MEI4: variants seen among roughly 807,000 people sequenced by gnomAD.
MEI4 encodes meiotic double-stranded break formation protein 4.
Under a neutral mutation model 31.4 loss-of-function variants are expected in MEI4, and 27 were observed. The observed-to-expected ratio is 0.86, with a 90% CI of 0.63 to 1.19. The LOEUF is 1.19. MEI4 is among the 50% of genes most tolerant of loss of function. The pLI is 0.00. For synonymous variants in MEI4, 122 were observed against 145.4 expected (o/e 0.84, Z 1.16); for missense variants, 329 against 398.9 (o/e 0.82, Z 1.49).
chr6:77,862,075 A>G (rs1229041859), intron 4 of MEI4, among the ~76,000 whole-genome samples: 1 of 152,054 alleles, frequency 6.6e-6, no homozygotes, highest in Non-Finnish European at 1.5e-5. Flanking sequence ...AAAAAAAAAA[A>G]AAAATGGAGG....
rs1428922689 is a variant in MEI4, at chr6:77,847,263, G to A, written c.900+18201G>A. Among the ~76,000 whole-genome samples, 1 of 152,124 alleles carries A rather than the reference G, an allele frequency of 6.6e-6. No homozygotes were observed. The highest frequency in any genetic ancestry group is 2.4e-5 in the African/African-American group (1 of 41,426). ...GTACGGTCACTGTCAAAATAATTCTGTGTCTTAGATTATAATTAATTCAAG... is the reference window on the plus strand; with the variant it reads ...GTACGGTCACTGTCAAAATAATTCTATGTCTTAGATTATAATTAATTCAAG... On this transcript the variant is annotated intron_variant, in intron 4 of 4. Transcript: ENST00000684080. This position sits in a 1 kb window ranked among gnomAD's most constrained non-coding sequence, Gnocchi z 4.6.
At chr6:77,895,023 CA>C (rs1158120131) in intron 4 of MEI4, among the ~76,000 whole-genome samples, 1 of 152,078 alleles carries the variant, frequency 6.6e-6, no homozygotes, top group Non-Finnish European at 1.5e-5. Flanking sequence ...CAATATATAC[CA>C]TATGTTTCAC....
chr6:77,686,875 C>CTTTTTTTT lies in MEI4; in HGVS notation c.-14-3781_-14-3774dup, dbSNP rs70974681. Among the ~76,000 whole-genome samples, 120 of 132,532 alleles carry CTTTTTTTT rather than the reference C, an allele frequency of 9.1e-4. 1 individual carries two copies. Among genetic ancestry groups the CTTTTTTTT allele is most frequent in the Non-Finnish European group, 1.4e-3 (87 of 60,770 alleles). 86.9% of individuals were successfully genotyped at this position (132,532 alleles called of 152,430 possible). A position where few individuals can be genotyped will look rare whatever the true frequency, so the allele number is the denominator to read the frequency against. On this transcript the variant is annotated intron_variant, in intron 1 of 4. Coordinates refer to ENST00000684080, the MANE Select transcript of MEI4 (RefSeq NM_001322247.2). ...TCTTGAATAGGAATGGTCTGTGGCT[C>CTTTTTTTT]TTTTTTTTTGTAGATGTTTCATCAG... is the stretch of plus-strand genomic sequence containing the variant.
intron 3 of MEI4, 28 bp from the exon 4 acceptor site, chr6:77,828,903 A>G: frequency 8.1e-7 from 1 of 1,231,250 alleles, no homozygotes. Flanking sequence ...GTGATGGAAT[A>G]TAGAAACCTA....
At chr6:77,837,639 A>G (rs1582199657) in intron 4 of MEI4, among the ~76,000 whole-genome samples, 1 of 152,158 alleles carries the variant, frequency 6.6e-6, no homozygotes. Context: ...ACATATAACA[A>G]TCTCCAAAGC....
intron 1 of MEI4, among the ~76,000 whole-genome samples, chr6:77,679,393 A>C (rs1768908964): frequency 6.6e-6 from 1 of 150,430 alleles, no homozygotes; most frequent in Non-Finnish European, 1.5e-5. Flanking sequence ...AGATACACAA[A>C]TATTTATGAT....
upstream of MEI4, among the ~76,000 whole-genome samples, chr6:77,651,562 T>C (rs148220272): frequency 1.3e-3 from 193 of 152,348 alleles, 1 homozygote; most frequent in African/African-American, 4.0e-3. Context: ...GTTTGTATTT[T>C]TGTTGTCTAT....
In MEI4 at chr6:77,731,710, A is replaced by G. The variant is rs1010865518; in HGVS notation, c.233-29420A>G. ...AGACATGAAGTCCTTGCCCATGCCTATGTCCTGAATAGTAATGCTTAGGTT... is the reference window on the plus strand; with the variant it reads ...AGACATGAAGTCCTTGCCCATGCCTGTGTCCTGAATAGTAATGCTTAGGTT... On this transcript the variant is annotated intron_variant, in intron 2 of 4. Coordinates refer to ENST00000684080, the MANE Select transcript of MEI4 (RefSeq NM_001322247.2). Among the ~76,000 whole-genome samples, 66 of 151,372 alleles carry G rather than the reference A, an allele frequency of 4.4e-4. 1 individual carries two copies. The highest frequency in any genetic ancestry group is 5.9e-4 in the East Asian group (3 of 5,072).
intron 3 of MEI4, among the ~76,000 whole-genome samples, chr6:77,828,482 T>C (rs1388894122): frequency 6.6e-6 from 1 of 152,058 alleles, no homozygotes; most frequent in Non-Finnish European, 1.5e-5. Context: ...TGGAACAGTT[T>C]CATCTCAAAA....
chr6:77,662,005 C>T (rs1183692259), intron 1 of MEI4, among the ~76,000 whole-genome samples: 1 of 152,104 alleles, frequency 6.6e-6, no homozygotes, highest in Non-Finnish European at 1.5e-5. Flanking sequence ...CGGCCTTGAG[C>T]AGAGTTTTTA....
intron 2 of MEI4, among the ~76,000 whole-genome samples, chr6:77,730,111 T>A (rs1766935142): frequency 6.6e-6 from 1 of 152,052 alleles, no homozygotes; most frequent in South Asian, 2.1e-4. Flanking sequence ...AGAGAAGATC[T>A]GTGAGATCTC....
intron 1 of MEI4, among the ~76,000 whole-genome samples, chr6:77,687,407 G>C (rs1769077881): frequency 6.6e-6 from 1 of 151,982 alleles, no homozygotes; most frequent in African/African-American, 2.4e-5. Flanking sequence ...TAGGAAGCTG[G>C]GGTGTTTTCC....
At chr6:77,680,058 A>T (rs898800648) in intron 1 of MEI4, among the ~76,000 whole-genome samples, 4 of 147,476 alleles carry the variant, frequency 2.7e-5, no homozygotes, top group East Asian at 2.0e-4. Context: ...GTATTTTTTT[A>T]AAAATGGTCT....
chr6:77,685,212 C>T (rs1769032135), intron 1 of MEI4, among the ~76,000 whole-genome samples: 1 of 151,772 alleles, frequency 6.6e-6, no homozygotes, highest in South Asian at 2.1e-4. Flanking sequence ...ATATTTTTTC[C>T]TATAGGGTTC....
chr6:77,762,366 C>T (rs1483051), intron 3 of MEI4, among the ~76,000 whole-genome samples: 29,963 of 152,022 alleles, frequency 0.2, 3,210 homozygotes, highest in African/African-American at 0.27. Context: ...TGTTGTTTGG[C>T]TCTTGAGACA....
At chr6:77,802,046 A>G (rs1030976564) in intron 3 of MEI4, among the ~76,000 whole-genome samples, 1 of 152,096 alleles carries the variant, frequency 6.6e-6, no homozygotes, top group Admixed American at 6.6e-5. Context: ...TGTCTCGTTG[A>G]TCTGTCTAAT....
At chr6:77,734,500 C>T (rs1031422369) in intron 2 of MEI4, among the ~76,000 whole-genome samples, 2 of 151,964 alleles carry the variant, frequency 1.3e-5, no homozygotes, top group African/African-American at 2.4e-5. Context: ...GTAGATCTTC[C>T]TCCAATCTTT....
At chr6:77,776,130 T>C (rs185843437) in intron 3 of MEI4, among the ~76,000 whole-genome samples, 2 of 152,186 alleles carry the variant, frequency 1.3e-5, no homozygotes, top group Non-Finnish European at 2.9e-5. Context: ...TCCCACTCTC[T>C]GGGATGTCTG....
chr6:77,712,454 T>G (rs1297679275), intron 2 of MEI4, among the ~76,000 whole-genome samples: 2 of 152,150 alleles, frequency 1.3e-5, no homozygotes, highest in Non-Finnish European at 2.9e-5. Context: ...TATCATGAAT[T>G]TATATGTTTA....
Sources: allele counts gnomAD v4.1 joint callset (sites outside exome capture counted in the v4.1 genomes callset), GRCh38; gene constraint gnomAD v4.1.1; non-coding constraint Gnocchi (gnomAD v3.1); transcripts MANE v1.5; gene names NCBI Gene and HGNC (gene_info 2026-07-23, HGNC 2026-07-21).